The following RAD54L variants were observed in gnomAD, a reference collection of about 807,000 sequenced individuals.
The protein encoded by RAD54L is RAD54 like.
RAD54L carries 74 observed loss-of-function variants against 91.6 expected under a neutral mutation model. The observed-to-expected ratio is 0.81, with a 90% CI of 0.67 to 0.98. The LOEUF (loss-of-function observed/expected upper bound fraction) is 0.98, where lower values mean the gene tolerates loss of function less well. Among genes scored for constraint, RAD54L ranks in the 50% least tolerant of loss-of-function variants. The pLI is 0.00. For missense variants in RAD54L, 887 were observed against 945.7 expected (o/e 0.94, Z 0.81); for synonymous variants, 304 against 349.7 (o/e 0.87, Z 1.46).
intron 8 of RAD54L, among the ~76,000 whole-genome samples, chr1:46,264,446 T>G (rs1446849269): frequency 6.6e-6 from 1 of 152,238 alleles, no homozygotes; most frequent in Non-Finnish European, 1.5e-5. Flanking sequence ...GTACAAAATC[T>G]TTGATCCTCA....
intron 8 of RAD54L, among the ~76,000 whole-genome samples, chr1:46,264,813 G>T (rs1279195552): frequency 2.0e-5 from 3 of 152,188 alleles, no homozygotes; most frequent in African/African-American, 4.8e-5. Flanking sequence ...TGGATGCTTG[G>T]TGCAGGAAGA....
chr1:46,271,795 G>C (rs549481779), intron 10 of RAD54L, among the ~76,000 whole-genome samples: 2 of 152,030 alleles, frequency 1.3e-5, no homozygotes, highest in Admixed American at 6.6e-5. Context: ...ATGTAGCAGC[G>C]GGCATTTGGA....
At position 46,260,118 on chromosome 1, in the gene RAD54L, C is replaced by T; in HGVS notation, c.407+19C>T. On this transcript the variant is annotated intron_variant, in intron 5 of 17. Transcript: ENST00000371975. The stretch of plus-strand genomic sequence containing the variant: ...TTGACAAGTATGTGCACTGGTATTT[C>T]ATAAGCAGTTTTGGTTCTCTGTATA... The T allele has an allele frequency of 6.2e-7, 1 of 1,614,164 alleles. No individual in the cohort carries two copies. The highest frequency in any genetic ancestry group is 8.5e-7 in the Non-Finnish European group (1 of 1,180,022).
intron 8 of RAD54L, among the ~76,000 whole-genome samples, chr1:46,261,856 G>A (rs181930180): frequency 1.3e-5 from 2 of 152,308 alleles, no homozygotes; most frequent in Admixed American, 6.5e-5. Flanking sequence ...GGCTGGCCAC[G>A]ATGATTCACG....
At chr1:46,269,016 C>T (rs1292247381) in intron 9 of RAD54L, among the ~76,000 whole-genome samples, 1 of 152,054 alleles carries the variant, frequency 6.6e-6, no homozygotes, top group East Asian at 2.0e-4. Flanking sequence ...TCTCTTGTAT[C>T]AGCCTCCCAA....
intron 3 of RAD54L, among the ~76,000 whole-genome samples, chr1:46,253,047 G>A (rs1219621891): frequency 1.3e-5 from 2 of 152,182 alleles, no homozygotes; most frequent in African/African-American, 4.8e-5. Context: ...ACTCCACCCT[G>A]GGTGACAGAG....
intron 9 of RAD54L, among the ~76,000 whole-genome samples, chr1:46,269,430 C>T (rs1660359591): frequency 2.0e-5 from 3 of 151,660 alleles, no homozygotes; most frequent in South Asian, 4.2e-4. Context: ...GCCTCAGCCT[C>T]CTGAGTAGCT....
At chr1:46,275,945 TC>T (rs1660581380) in intron 16 of RAD54L, among the ~76,000 whole-genome samples, 1 of 145,100 alleles carries the variant, frequency 6.9e-6, no homozygotes, top group Non-Finnish European at 1.5e-5. Flanking sequence ...CAGAACAGGA[TC>T]CCGTCTTAAA....
At position 46,278,269 on chromosome 1, in the gene RAD54L, G is replaced by A. The variant is rs955072829; in HGVS notation, c.2231G>A (p.Arg744Gln). The change falls in exon 18 of 18, where the codon CGG (arginine) becomes CAG (glutamine). Residue 744 changes from arginine to glutamine, a missense_variant. Transcript: ENST00000371975. The stretch of plus-strand genomic sequence containing the variant: ...CACCAGCGTTCTCATGAGGAGCAGC[G>A]GGGCCTCCGCTGATAACCAGCTGGT... Reference protein sequence around the residue: ...VFHQRSHEEQRGLR With the variant: ...VFHQRSHEEQQGLR The A allele has an allele frequency of 8.1e-6, 13 of 1,612,878 alleles. No homozygotes were observed. Among genetic ancestry groups the A allele is most frequent in the African/African-American group, 5.3e-5 (4 of 75,052 alleles).
intron 3 of RAD54L, 66 bp from the exon 4 acceptor site, chr1:46,258,620 A>G: frequency 2.5e-6 from 3 of 1,179,424 alleles, no homozygotes; most frequent in South Asian, 2.4e-5. Flanking sequence ...AATGTGAAGC[A>G]TATCATGATA....
At position 46,274,707 on chromosome 1, in the gene RAD54L, G is replaced by A. The variant is rs550980888; in HGVS notation, c.1859G>A (p.Arg620His). 3.1e-5 allele frequency: 50 copies of A among 1,614,082 alleles called. 1 individual carries two copies. The highest frequency in any genetic ancestry group is 2.3e-4 in the South Asian group (21 of 91,070). The change falls in exon 16 of 18, where the codon CGC becomes CAC. Residue 620 changes from arginine (R) to histidine (H), a missense_variant. Transcript: ENST00000371975. ...CAAAAGAAGACTTGCTATATCTACC[G>A]CCTGCTGTCTGTAAGGATGGTGATA... Reference protein sequence around the residue: ...DGQKKTCYIYRLLSAGTIEEK... With the variant: ...DGQKKTCYIYHLLSAGTIEEK...
chr1:46,260,967 C>T lies in RAD54L; in HGVS notation c.718C>T (p.Pro240Ser). The T allele has an allele frequency of 1.2e-6, 2 of 1,614,126 alleles. No individual in the cohort carries two copies. The highest frequency in any genetic ancestry group is 2.2e-5 in the East Asian group (1 of 44,878). ...GAAATGGCTCGGAGGGAGGATCCAA[C>T]CTCTGGCCATCGATGGAGGATCTAA... ...VGKWLGGRIQPLAIDGGSKDE... is the reference protein window; with the variant it reads ...VGKWLGGRIQSLAIDGGSKDE... Residue 240 changes from proline (P) to serine (S), a missense_variant, in exon 7 of 18, where the codon CCT becomes TCT. Pro to Ser is a moderately conservative substitution (Grantham distance 74, BLOSUM62 -1). Coordinates refer to ENST00000371975, the MANE Select transcript of RAD54L (RefSeq NM_003579.4).
chr1:46,251,256 G>A (rs959330145), intron 3 of RAD54L, among the ~76,000 whole-genome samples: 1 of 152,204 alleles, frequency 6.6e-6, no homozygotes. Context: ...CGGTTGCAGT[G>A]AGCCGAGATC....
intron 16 of RAD54L, chr1:46,277,578 G>A: frequency 1.8e-6 from 1 of 561,622 alleles, no homozygotes; most frequent in Non-Finnish European, 3.2e-6. Flanking sequence ...CCAGGCCCTG[G>A]GACCCTTCAT....
At chr1:46,266,322 A>C (rs912778033) in intron 8 of RAD54L, among the ~76,000 whole-genome samples, 1 of 152,232 alleles carries the variant, frequency 6.6e-6, no homozygotes, top group African/African-American at 2.4e-5. Context: ...TAGATGGAAG[A>C]GTCAGTGAAG....
chr1:46,250,974 AAAAAAAC>A (rs1202792063), intron 3 of RAD54L, among the ~76,000 whole-genome samples: 238 of 150,990 alleles, frequency 1.6e-3, no homozygotes, highest in African/African-American at 4.2e-3. Flanking sequence ...GTCTCAAAAA[AAAAAAAC>A]AAAAAACAAA....
At position 46,267,571 on chromosome 1, in the gene RAD54L, A is replaced by G. The variant is rs1269643193; in HGVS notation, c.1004A>G (p.Tyr335Cys). ...CCCATCCAGAATGATCTGCTTGAGT[A>G]TTTCAGCTTGGTACATTTTGTTAAT... ...GTPIQNDLLE[Y>C]FSLVHFVNSG... Residue 335 changes from tyrosine to cysteine, a missense_variant, in exon 9 of 18, where the codon TAT (tyrosine) becomes TGT (cysteine). By Grantham distance (194) the Tyr-to-Cys change is radical. Coordinates refer to ENST00000371975, the MANE Select transcript of RAD54L (RefSeq NM_003579.4). 3 of 1,613,272 alleles carry G rather than the reference A, an allele frequency of 1.9e-6. No individual in the cohort carries two copies. Among genetic ancestry groups the G allele is most frequent in the Non-Finnish European group, 2.5e-6 (3 of 1,179,432 alleles).
rs1278694999 is a variant in RAD54L, at chr1:46,259,847, G to A, written c.272-117G>A. ...CAAACTGAGTTTGGAGGCATTCTCAGAGAGAGAGGGTCATATGGGAGCTCG... is the reference window on the plus strand; with the variant it reads ...CAAACTGAGTTTGGAGGCATTCTCAAAGAGAGAGGGTCATATGGGAGCTCG... On this transcript the variant is annotated intron_variant, in intron 4 of 17. Transcript: ENST00000371975. The A allele has an allele frequency of 2.2e-6, 3 of 1,362,040 alleles. No individual in the cohort carries two copies. In the Middle Eastern group the frequency reaches 5.4e-4, roughly 246 times the overall value. The allele number at this position is 1,362,040 out of a possible 1,614,324, so 84.4% of individuals were successfully genotyped here.
intron 4 of RAD54L, 52 bp downstream of exon 4, chr1:46,258,798 G>T: frequency 7.3e-7 from 1 of 1,376,014 alleles, no homozygotes; most frequent in South Asian, 1.2e-5. Flanking sequence ...ACGTGTGCCT[G>T]AATAAATTAA....
Sources: gnomAD v4.1 joint callset for allele counts (sites outside exome capture counted in the v4.1 genomes callset) on GRCh38, gnomAD v4.1.1 for gene constraint, MANE v1.5 for transcripts, NCBI Gene and HGNC (gene_info 2026-07-23, HGNC 2026-07-21) for gene names.